The following PPARA variants were observed in gnomAD, a reference collection of about 807,000 sequenced individuals.
The protein encoded by PPARA is peroxisome proliferator-activated receptor alpha.
A neutral mutation model predicts 42.2 loss-of-function variants in PPARA; 22 were observed. The ratio of observed to expected loss-of-function variants is 0.52; its 90% CI spans 0.37 to 0.74. PPARA has a LOEUF of 0.74. Among genes scored for constraint, PPARA ranks in the 30% least tolerant of loss-of-function variants. The pLI, the probability that PPARA is intolerant of heterozygous loss-of-function variation, is 0.00. For missense variants in PPARA, 465 were observed against 608.2 expected, an observed-to-expected ratio of 0.76 and a Z score of 2.48; for synonymous variants, 242 against 239.3, an observed-to-expected ratio of 1.01 and a Z score of -0.10.
At position 46,183,698 on chromosome 22, in the gene PPARA, C is replaced by T. The variant is rs1350074553; in HGVS notation, c.-43+6862C>T. Among the ~76,000 whole-genome samples, 1 of 152,260 alleles carries T rather than the reference C, an allele frequency of 6.6e-6. No homozygotes were observed. Among genetic ancestry groups the T allele is most frequent in the African/African-American group, 2.4e-5 (1 of 41,560 alleles). ...TCGATATTGCAGTGAGCTGTAATTG[C>T]ACCATGCACTCCAGCCTGGGTGAAA... On this transcript the variant is annotated intron_variant, in intron 3 of 8. Transcript: ENST00000407236. This position sits in a 1 kb window ranked among gnomAD's most constrained non-coding sequence, Gnocchi z 5.5.
In PPARA at chr22:46,180,912, C is replaced by T. The variant is rs1439751222; in HGVS notation, c.-43+4076C>T. On this transcript the variant is annotated intron_variant, in intron 3 of 8. Coordinates refer to ENST00000407236, the MANE Select transcript of PPARA (RefSeq NM_005036.6). This position sits in a 1 kb window ranked among gnomAD's most constrained non-coding sequence, Gnocchi z 4.2. The stretch of plus-strand genomic sequence containing the variant: ...TTTGGTGCCAATGGGAGGACTTTAG[C>T]CCGGAAAGGAGATTGGCTCTCCTGC... Among the ~76,000 whole-genome samples the T allele has an allele frequency of 6.6e-6, 1 of 152,128 alleles. No homozygotes were observed. The highest frequency in any genetic ancestry group is 1.5e-5 in the Non-Finnish European group (1 of 68,038).
At chr22:46,172,704 A>G (rs754609529) in intron 2 of PPARA, among the ~76,000 whole-genome samples, 1 of 152,222 alleles carries the variant, frequency 6.6e-6, no homozygotes, top group African/African-American at 2.4e-5. Flanking sequence ...GTGCGGAGGT[A>G]AAAGACCGAG....
rs751187487 is a variant in PPARA at position 46,204,860 on chromosome 22, T to C, written c.208+6269T>C. On this transcript the variant is annotated intron_variant, in intron 4 of 8. Coordinates refer to ENST00000407236, the MANE Select transcript of PPARA (RefSeq NM_005036.6). The surrounding 1 kb of genome is among the most constrained non-coding windows in gnomAD (Gnocchi z 5.2). ...CTTAAAAAAAAAAAAGAAAAAAGAT[T>C]GTTTTGTTTGTTTTGTTTTGTTTTT... Among the ~76,000 whole-genome samples the C allele has an allele frequency of 2.0e-5, 3 of 151,570 alleles. No individual in the cohort carries two copies. Among genetic ancestry groups the C allele is most frequent in the Non-Finnish European group, 4.4e-5 (3 of 67,906 alleles).
At chr22:46,168,266 G>A (rs1230243491) in intron 2 of PPARA, among the ~76,000 whole-genome samples, 1 of 147,020 alleles carries the variant, frequency 6.8e-6, no homozygotes, top group African/African-American at 2.6e-5. Flanking sequence ...GCAGGAGAAT[G>A]GCGTGAACCT....
chr22:46,214,246 G>T (rs978937132), intron 4 of PPARA, among the ~76,000 whole-genome samples: 2 of 152,208 alleles, frequency 1.3e-5, no homozygotes, highest in Admixed American at 1.3e-4. Context: ...CAAGGCGCGG[G>T]CCCATAGATG....
chr22:46,220,701 G>A (rs891095117), intron 7 of PPARA: 3 of 152,158 alleles, frequency 2.0e-5, no homozygotes, highest in Admixed American at 2.0e-4. Flanking sequence ...TGGCACTCTG[G>A]GGAGGCCAAG....
At chr22:46,199,371 G>A (rs572086873) in intron 4 of PPARA, among the ~76,000 whole-genome samples, 19 of 152,280 alleles carry the variant, frequency 1.2e-4, no homozygotes, top group South Asian at 2.1e-4. Context: ...GGTGGCTCAC[G>A]CCTATAATCC....
chr22:46,193,900 C>T lies in PPARA; in HGVS notation c.-42-4442C>T, dbSNP rs1028901042. On this transcript the variant is annotated intron_variant, in intron 3 of 8. Coordinates refer to ENST00000407236, the MANE Select transcript of PPARA (RefSeq NM_005036.6). The surrounding 1 kb of genome is among the most constrained non-coding windows in gnomAD (Gnocchi z 5.3). ...TGGTTGGTTATGCCTTGATCCCCCC[C>T]AGAGCATTTGGGGCATAGGACACGG... Among the ~76,000 whole-genome samples the T allele has an allele frequency of 6.6e-6, 1 of 152,206 alleles. No individual in the cohort carries two copies. The highest frequency in any genetic ancestry group is 1.9e-4 in the East Asian group (1 of 5,198).
At chr22:46,207,237 G>T (rs200500764) in intron 4 of PPARA, among the ~76,000 whole-genome samples, 3 of 136,076 alleles carry the variant, frequency 2.2e-5, no homozygotes, top group African/African-American at 7.9e-5. Flanking sequence ...CAAAAAAAAA[G>T]AAAAAGAAAA....
chr22:46,229,767 G>A (rs1935741041), intron 7 of PPARA, among the ~76,000 whole-genome samples: 1 of 152,194 alleles, frequency 6.6e-6, no homozygotes, highest in African/African-American at 2.4e-5. Flanking sequence ...TATTCAGAAT[G>A]TTTTCACTCA....
intron 7 of PPARA, among the ~76,000 whole-genome samples, chr22:46,228,039 C>T (rs1036958919): frequency 3.3e-5 from 5 of 152,170 alleles, no homozygotes; most frequent in African/African-American, 1.2e-4. Flanking sequence ...CTTTCTAAAA[C>T]CAAAGTGATA....
intron 2 of PPARA, among the ~76,000 whole-genome samples, chr22:46,175,649 G>GCTA (rs1040037017): frequency 2.6e-5 from 4 of 151,626 alleles, no homozygotes; most frequent in Non-Finnish European, 4.4e-5. Flanking sequence ...GGGAGACGGA[G>GCTA]CTTGTAGTGA....
chr22:46,201,060 A>C (rs367887839), intron 4 of PPARA, among the ~76,000 whole-genome samples: 1 of 151,954 alleles, frequency 6.6e-6, no homozygotes, highest in African/African-American at 2.4e-5. Context: ...CTGAAAATAC[A>C]AAAATTAGCC....
rs532814188 is a variant in PPARA at position 46,221,803 on chromosome 22, C to T, written c.711+1789C>T. ...CGACAAAGCCAGCTGTGTCTGGGCG[C>T]GGTGGCTCATGTCTGTAATCCCAGC... On this transcript the variant is annotated intron_variant, in intron 7 of 8. Coordinates refer to ENST00000407236, the MANE Select transcript of PPARA (RefSeq NM_005036.6). This position sits in a 1 kb window ranked among gnomAD's most constrained non-coding sequence, Gnocchi z 5.9. Among the ~76,000 whole-genome samples, 12 of 151,196 alleles carry T rather than the reference C, an allele frequency of 7.9e-5. No individual in the cohort carries two copies. The East Asian group carries it at 1.8e-3, about 22-fold the overall frequency.
In PPARA at chr22:46,232,513, G is replaced by T. The variant is rs890325882; in HGVS notation, c.1159+274G>T. On this transcript the variant is annotated intron_variant, in intron 8 of 8. Transcript: ENST00000407236. This position sits in a 1 kb window ranked among gnomAD's most constrained non-coding sequence, Gnocchi z 5.3. ...TTTAATCATAATATTAGCCAGGTGTGGGGGTGCACACCTTTAGTCCCAGCT... is the reference window on the plus strand; with the variant it reads ...TTTAATCATAATATTAGCCAGGTGTTGGGGTGCACACCTTTAGTCCCAGCT... 3.3e-5 allele frequency among the ~76,000 whole-genome samples: 5 copies of T among 151,834 alleles called. No homozygotes were observed. The highest frequency in any genetic ancestry group is 1.2e-4 in the African/African-American group (5 of 41,382).
At chr22:46,208,907 TG>T (rs1933654757) in intron 4 of PPARA, among the ~76,000 whole-genome samples, 1 of 148,870 alleles carries the variant, frequency 6.7e-6, no homozygotes, top group Non-Finnish European at 1.5e-5. Flanking sequence ...TTCGTGTGTG[TG>T]TGTGTGTGCG....
intron 4 of PPARA, among the ~76,000 whole-genome samples, chr22:46,199,784 A>G (rs758951463): frequency 1.2e-4 from 19 of 152,274 alleles, no homozygotes; most frequent in Non-Finnish European, 2.2e-4. Flanking sequence ...GTGCAGTGGT[A>G]TGATCTCAGC....
At position 46,222,911 on chromosome 22, in the gene PPARA, G is replaced by A. The variant is rs567723330; in HGVS notation, c.711+2897G>A. Among the ~76,000 whole-genome samples the A allele has an allele frequency of 6.6e-6, 1 of 152,312 alleles. No homozygotes were observed. The highest frequency in any genetic ancestry group is 2.4e-5 in the African/African-American group (1 of 41,568). Reference sequence around the variant, plus strand: ...ATGGTGGCATGTGCCTGTGGTCCCAGGTACTTGGGAAGCTGAGATGGGAGG... The same window carrying A: ...ATGGTGGCATGTGCCTGTGGTCCCAAGTACTTGGGAAGCTGAGATGGGAGG... On this transcript the variant is annotated intron_variant, in intron 7 of 8. Coordinates refer to ENST00000407236, the MANE Select transcript of PPARA (RefSeq NM_005036.6). The surrounding 1 kb of genome is among the most constrained non-coding windows in gnomAD (Gnocchi z 5.9).
rs55691428 is a variant in PPARA at position 46,185,964 on chromosome 22, T to TACAC, written c.-43+9135_-43+9138dup. 1.9e-4 allele frequency among the ~76,000 whole-genome samples: 5 copies of TACAC among 25,932 alleles called. No individual in the cohort carries two copies. In the East Asian group the frequency reaches 6.6e-3, roughly 34 times the overall value. 17.0% of individuals were successfully genotyped at this position (25,932 alleles called of 152,430 possible). A position where few individuals can be genotyped will look rare whatever the true frequency, so the allele number is the denominator to read the frequency against. On this transcript the variant is annotated intron_variant, in intron 3 of 8. Coordinates refer to ENST00000407236, the MANE Select transcript of PPARA (RefSeq NM_005036.6). ...ATATATATATATATATATATATATA[T>TACAC]ACACACACACTAACCTTCAGCATAT... is the stretch of plus-strand genomic sequence containing the variant.
Sources: allele counts gnomAD v4.1 joint callset (sites outside exome capture counted in the v4.1 genomes callset), GRCh38; gene constraint gnomAD v4.1.1; non-coding constraint Gnocchi (gnomAD v3.1); transcripts MANE v1.5; gene names NCBI Gene and HGNC (gene_info 2026-07-23, HGNC 2026-07-21).